Variants in PICALM observed in about 807,000 individuals in gnomAD.
PICALM encodes phosphatidylinositol-binding clathrin assembly protein.
A neutral mutation model predicts 80.5 loss-of-function variants in PICALM; 40 were observed. That is an observed-to-expected ratio of 0.50 (90% CI 0.39 to 0.65). PICALM has a LOEUF of 0.65. Ranked by LOEUF, PICALM falls within the 30% of genes least tolerant of loss-of-function variation. The pLI, the probability that PICALM is intolerant of heterozygous loss-of-function variation, is 0.00. For synonymous variants in PICALM, 288 were observed against 260.3 expected (o/e 1.11, Z -1.02); for missense variants, 676 against 778.9 (o/e 0.87, Z 1.57).
chr11:86,017,546 A>G (rs1253513071), intron 4 of PICALM, among the ~76,000 whole-genome samples: 1 of 152,230 alleles, frequency 6.6e-6, no homozygotes, highest in African/African-American at 2.4e-5. Context: ...ACAATATCCC[A>G]TTTAATTCTC....
At chr11:86,003,890 C>T (rs2095215906) in intron 8 of PICALM, 1 of 152,800 alleles carries the variant, frequency 6.5e-6, no homozygotes, top group South Asian at 2.1e-4. Flanking sequence ...AAATGAAAAT[C>T]ACAATGAGAT....
At chr11:86,046,438 T>G (rs2096072919) in intron 1 of PICALM, among the ~76,000 whole-genome samples, 1 of 152,378 alleles carries the variant, frequency 6.6e-6, no homozygotes, top group South Asian at 2.1e-4. Flanking sequence ...AGGTGATATA[T>G]TTAGGGTATT....
intron 5 of PICALM, 38 bp from the exon 6 acceptor site, chr11:86,012,430 G>A: frequency 1.8e-6 from 2 of 1,114,312 alleles, no homozygotes; most frequent in Non-Finnish European, 2.7e-6. Context: ...GCTAATCTTA[G>A]GTTTTAAATG....
At chr11:85,973,939 G>A (rs1044978351) in intron 19 of PICALM, among the ~76,000 whole-genome samples, 40 of 152,022 alleles carry the variant, frequency 2.6e-4, no homozygotes, top group African/African-American at 9.6e-4. Flanking sequence ...GACACAGAAG[G>A]ATAAACCATC....
In PICALM at chr11:86,068,640, G is replaced by C. The variant is rs753123150; in HGVS notation, c.130+11C>G. Reference sequence around the variant, plus strand: ...CGCCGGGGAGCGGGGGCCGCGGTCGGCTTCACTCACAGTCCAGGTGCTTTT... The same window carrying C: ...CGCCGGGGAGCGGGGGCCGCGGTCGCCTTCACTCACAGTCCAGGTGCTTTT... On this transcript the variant is annotated intron_variant, in intron 1 of 19. Transcript: ENST00000393346. 2 of 1,604,498 alleles carry C rather than the reference G, an allele frequency of 1.2e-6. No individual in the cohort carries two copies. Among genetic ancestry groups the C allele is most frequent in the Non-Finnish European group, 1.7e-6 (2 of 1,176,584 alleles).
chr11:86,069,314 G>A (rs1192005733), upstream of PICALM: 1 of 164,486 alleles, frequency 6.1e-6, no homozygotes, highest in Non-Finnish European at 1.3e-5. Context: ...GGCGCATCAC[G>A]TGACTCTCCC....
intron 3 of PICALM, chr11:86,023,306 A>C: frequency 8.1e-6 from 2 of 247,998 alleles, no homozygotes; most frequent in Non-Finnish European, 1.3e-5. Flanking sequence ...TTTCAACATC[A>C]CCAGTTCATT....
intron 19 of PICALM, among the ~76,000 whole-genome samples, chr11:85,962,531 G>C (rs971812614): frequency 3.3e-5 from 5 of 152,196 alleles, no homozygotes; most frequent in Admixed American, 6.5e-5. Context: ...GAATACGGAA[G>C]AGACAAATCT....
chr11:86,064,793 G>T (rs1031100608), intron 1 of PICALM, among the ~76,000 whole-genome samples: 1 of 151,874 alleles, frequency 6.6e-6, no homozygotes, highest in Non-Finnish European at 1.5e-5. Flanking sequence ...TAGGATAAGG[G>T]CCAGGCATGC....
intron 1 of PICALM, among the ~76,000 whole-genome samples, chr11:86,032,495 G>C (rs928229984): frequency 6.6e-6 from 1 of 151,962 alleles, no homozygotes; most frequent in Admixed American, 6.6e-5. Context: ...GCTTGGTGGC[G>C]GGCATGGGTA....
At chr11:86,038,653 T>A (rs1593220041) in intron 1 of PICALM, among the ~76,000 whole-genome samples, 1 of 150,492 alleles carries the variant, frequency 6.6e-6, no homozygotes, top group Admixed American at 6.6e-5. Flanking sequence ...TGGTGGCAGG[T>A]GCCTGTAATC....
chr11:86,036,452 C>T (rs894430377), intron 1 of PICALM, among the ~76,000 whole-genome samples: 3 of 152,176 alleles, frequency 2.0e-5, no homozygotes, highest in African/African-American at 7.2e-5. Context: ...CTATGCTCTT[C>T]ACAGGCTGAC....
chr11:86,012,786 T>G (rs604125), intron 5 of PICALM, among the ~76,000 whole-genome samples: 151,018 of 152,134 alleles, frequency 0.99, 75,003 homozygotes, highest in Middle Eastern at 1. Flanking sequence ...GGTAAAAAAG[T>G]TATTTGCAGA....
chr11:86,030,100 T>C (rs2095722671), intron 2 of PICALM, among the ~76,000 whole-genome samples: 1 of 152,178 alleles, frequency 6.6e-6, no homozygotes, highest in Admixed American at 6.5e-5. Flanking sequence ...ATCAATTACA[T>C]AGTTACTAAA....
chr11:86,067,110 G>GTAGCAAAAAC (rs1358753157), intron 1 of PICALM, among the ~76,000 whole-genome samples: 1 of 152,172 alleles, frequency 6.6e-6, no homozygotes, highest in East Asian at 1.9e-4. Context: ...AGGCTTCTGT[G>GTAGCAAAAAC]TAGCAAAAAC....
intron 13 of PICALM, among the ~76,000 whole-genome samples, chr11:85,988,261 T>C (rs762601036): frequency 8.5e-5 from 13 of 152,150 alleles, no homozygotes; most frequent in Non-Finnish European, 1.5e-4. Flanking sequence ...CTTCTGAAAA[T>C]TTAAGGTTTT....
At chr11:85,968,859 T>G (rs1307983328) in intron 19 of PICALM, among the ~76,000 whole-genome samples, 1 of 151,924 alleles carries the variant, frequency 6.6e-6, no homozygotes, top group Non-Finnish European at 1.5e-5. Flanking sequence ...TAAAGACAGC[T>G]ACAATGTTAG....
At position 86,069,058 on chromosome 11, in the gene PICALM, AG is replaced by A. The variant is rs1453031001; in HGVS notation, c.-279del. 4 of 377,444 alleles carry A rather than the reference AG, an allele frequency of 1.1e-5. No individual in the cohort carries two copies. The highest frequency in any genetic ancestry group is 1.9e-5 in the Non-Finnish European group (4 of 206,542). 23.4% of individuals were successfully genotyped at this position (377,444 alleles called of 1,614,324 possible). Reference sequence around the variant, plus strand: ...GTCAGCTGGAGCCGGGCAGGGTAAGAGGAACAGGCAGCTGCAGGAAAATGGC... The same window carrying A: ...GTCAGCTGGAGCCGGGCAGGGTAAGAGAACAGGCAGCTGCAGGAAAATGGC... On this transcript the variant is annotated 5_prime_UTR_variant, in exon 1 of 20. Transcript: ENST00000393346.
At chr11:85,977,118 T>C (rs1183426213) in intron 17 of PICALM, 1 of 153,400 alleles carries the variant, frequency 6.5e-6, no homozygotes, top group East Asian at 1.9e-4. Context: ...AATGTAAAGA[T>C]CTCAAATCAA....
Sources: gnomAD v4.1 joint callset for allele counts (sites outside exome capture counted in the v4.1 genomes callset) on GRCh38, gnomAD v4.1.1 for gene constraint, MANE v1.5 for transcripts, NCBI Gene and HGNC (gene_info 2026-07-23, HGNC 2026-07-21) for gene names.